Variants in ONECUT2 observed in about 807,000 individuals in gnomAD.
The protein encoded by ONECUT2 is one cut domain family member 2.
A neutral mutation model predicts 27.9 loss-of-function variants in ONECUT2; 10 were observed. The ratio of observed to expected loss-of-function variants is 0.36; its 90% CI spans 0.22 to 0.61. ONECUT2 has a LOEUF of 0.61. Among genes scored for constraint, ONECUT2 ranks in the 20% least tolerant of loss-of-function variants. The probability of loss-of-function intolerance (pLI) is 0.73; values close to 1 mark genes in which losing one functional copy is unlikely to be tolerated. For missense variants in ONECUT2, 686 were observed against 721.0 expected (o/e 0.95, Z 0.56); for synonymous variants, 334 against 315.1 (o/e 1.06, Z -0.64).
At chr18:57,447,268 C>T (rs571890555) in intron 1 of ONECUT2, among the ~76,000 whole-genome samples, 1 of 152,338 alleles carries the variant, frequency 6.6e-6, no homozygotes, top group Admixed American at 6.5e-5. Context: ...CCTCCACGCC[C>T]CGGCGCAGGC....
Position 57,462,668 on chromosome 18 carries a change from A to T in ONECUT2, c.1229-13769A>T, listed in dbSNP as rs11661146. ...TTTCTCTTTGGGCTAGTACTTTTTGAGTACTAAGAAATCTTTCCTGTGATT... is the reference window on the plus strand; with the variant it reads ...TTTCTCTTTGGGCTAGTACTTTTTGTGTACTAAGAAATCTTTCCTGTGATT... On this transcript the variant is annotated intron_variant, in intron 1 of 1. Transcript: ENST00000491143. 2.0e-5 allele frequency among the ~76,000 whole-genome samples: 3 copies of T among 148,602 alleles called. No homozygotes were observed. The East Asian group carries it at 5.9e-4, about 29-fold the overall frequency.
chr18:57,467,064 G>A (rs1031236205), intron 1 of ONECUT2: 12 of 411,672 alleles, frequency 2.9e-5, no homozygotes, highest in East Asian at 1.4e-4. Flanking sequence ...TAAGAAAGTC[G>A]TGAGACATCC....
rs1482825112 is a variant in ONECUT2, at chr18:57,436,935, C to A, written c.1219C>A (p.Arg407Ser). The change falls in exon 1 of 2, where the codon CGC becomes AGC. Residue 407 changes from arginine (R) to serine (S), a missense_variant. By Grantham distance (110) the Arg-to-Ser change is moderately radical (BLOSUM62 -1). Transcript: ENST00000491143. This position sits in a 1 kb window ranked among gnomAD's most constrained non-coding sequence, Gnocchi z 5.9. Reference sequence around the variant, plus strand: ...CGAGTTCCAGCGCATGTCCGCCTTACGCCTGGCAGGTAAGGCCGGGGCTAG... The same window carrying A: ...CGAGTTCCAGCGCATGTCCGCCTTAAGCCTGGCAGGTAAGGCCGGGGCTAG... ...EPEFQRMSAL[R>S]LAACKRKEQE... 1.9e-6 allele frequency: 3 copies of A among 1,600,432 alleles called. No individual in the cohort carries two copies. Among genetic ancestry groups the A allele is most frequent in the Middle Eastern group, 1.7e-4 (1 of 6,024 alleles).
intron 1 of ONECUT2, chr18:57,444,307 T>A (rs951401157): frequency 1.5e-5 from 7 of 454,812 alleles, no homozygotes; most frequent in Non-Finnish European, 3.1e-5. Flanking sequence ...TTCTAGAATG[T>A]GGGCTTTATT....
chr18:57,466,762 A>C (rs1278502854), intron 1 of ONECUT2, among the ~76,000 whole-genome samples: 1 of 152,212 alleles, frequency 6.6e-6, no homozygotes, highest in African/African-American at 2.4e-5. Context: ...CTTATTTCTA[A>C]AAACAAGGTT....
chr18:57,451,833 T>C (rs569592259), intron 1 of ONECUT2, among the ~76,000 whole-genome samples: 2 of 152,274 alleles, frequency 1.3e-5, no homozygotes, highest in South Asian at 4.2e-4. Flanking sequence ...AGCAAGTTGG[T>C]TCCATTGGTG....
At chr18:57,473,091 G>A (rs2050362896) in intron 1 of ONECUT2, among the ~76,000 whole-genome samples, 1 of 152,186 alleles carries the variant, frequency 6.6e-6, no homozygotes, top group African/African-American at 2.4e-5. Flanking sequence ...AAAAGGGGCT[G>A]CAGAGGTTTA....
chr18:57,467,714 C>T (rs561213316), intron 1 of ONECUT2, among the ~76,000 whole-genome samples: 20 of 152,318 alleles, frequency 1.3e-4, no homozygotes, highest in African/African-American at 4.6e-4. Context: ...CAGGAAATCT[C>T]CCCAGGATCT....
chr18:57,442,515 T>C (rs1369640940), intron 1 of ONECUT2, among the ~76,000 whole-genome samples: 2 of 152,188 alleles, frequency 1.3e-5, no homozygotes, highest in Non-Finnish European at 2.9e-5. Context: ...CCTTGGTTCC[T>C]AGTCAGAAAG....
At chr18:57,453,679 C>T (rs1269561418) in intron 1 of ONECUT2, among the ~76,000 whole-genome samples, 1 of 152,256 alleles carries the variant, frequency 6.6e-6, no homozygotes, top group Non-Finnish European at 1.5e-5. Flanking sequence ...ATGCATTAGC[C>T]GGAGTCATAG....
intron 1 of ONECUT2, among the ~76,000 whole-genome samples, chr18:57,447,931 C>A (rs899562168): frequency 2.1e-4 from 32 of 152,144 alleles, no homozygotes; most frequent in Non-Finnish European, 4.0e-4. Flanking sequence ...TGTCCCTGAC[C>A]CCCTACGAAG....
At chr18:57,454,203 G>T (rs1304096641) in intron 1 of ONECUT2, among the ~76,000 whole-genome samples, 1 of 152,118 alleles carries the variant, frequency 6.6e-6, no homozygotes, top group Non-Finnish European at 1.5e-5. Flanking sequence ...TAAGGTTATT[G>T]TGAGCCTTAA....
chr18:57,457,979 G>A (rs2050269435), intron 1 of ONECUT2, among the ~76,000 whole-genome samples: 1 of 152,148 alleles, frequency 6.6e-6, no homozygotes, highest in African/African-American at 2.4e-5. Flanking sequence ...TTGTGGGGTA[G>A]GGGGCTGGGG....
At chr18:57,453,660 A>G (rs1043862937) in intron 1 of ONECUT2, among the ~76,000 whole-genome samples, 11 of 152,280 alleles carry the variant, frequency 7.2e-5, no homozygotes, top group South Asian at 2.1e-4. Flanking sequence ...TAAATTCATA[A>G]CTTCTTTCAT....
intron 1 of ONECUT2, among the ~76,000 whole-genome samples, chr18:57,451,076 T>C (rs1198771927): frequency 6.6e-6 from 1 of 152,202 alleles, no homozygotes; most frequent in African/African-American, 2.4e-5. Flanking sequence ...TCAACTTTAG[T>C]TGGAAACTGA....
At chr18:57,458,284 GTCT>G in intron 1 of ONECUT2, among the ~76,000 whole-genome samples, 1 of 152,264 alleles carries the variant, frequency 6.6e-6, no homozygotes, top group East Asian at 1.9e-4. Context: ...TTTAATACCA[GTCT>G]TCTTCATTAC....
At chr18:57,440,224 C>A (rs574128068) in intron 1 of ONECUT2, among the ~76,000 whole-genome samples, 47 of 152,354 alleles carry the variant, frequency 3.1e-4, no homozygotes, top group Admixed American at 3.0e-3. Context: ...AGCAACCTGA[C>A]AAGAGGCGGC....
intron 1 of ONECUT2, among the ~76,000 whole-genome samples, chr18:57,448,255 G>A (rs904278158): frequency 6.6e-6 from 1 of 152,172 alleles, no homozygotes; most frequent in African/African-American, 2.4e-5. Flanking sequence ...GTGGTTCTCA[G>A]GGAGGTAGAG....
chr18:57,453,670 T>C (rs2050243382), intron 1 of ONECUT2, among the ~76,000 whole-genome samples: 1 of 152,290 alleles, frequency 6.6e-6, no homozygotes, highest in African/African-American at 2.4e-5. Flanking sequence ...ACTTCTTTCA[T>C]GCATTAGCCG....
Sources: allele counts gnomAD v4.1 joint callset (sites outside exome capture counted in the v4.1 genomes callset), GRCh38; gene constraint gnomAD v4.1.1; non-coding constraint Gnocchi (gnomAD v3.1); transcripts MANE v1.5; gene names NCBI Gene and HGNC (gene_info 2026-07-23, HGNC 2026-07-21).